TNRC6C: variants seen among roughly 807,000 people sequenced by gnomAD.
TNRC6C encodes the protein trinucleotide repeat containing adaptor 6C.
In TNRC6C, 20 loss-of-function variants were observed where a neutral mutation model predicts 153.7. That is an observed-to-expected ratio of 0.13 (90% CI 0.09 to 0.19). The LOEUF (loss-of-function observed/expected upper bound fraction) is 0.19, where lower values mean the gene tolerates loss of function less well. Among genes scored for constraint, TNRC6C ranks in the 10% least tolerant of loss-of-function variants. The probability of loss-of-function intolerance (pLI) is 1.00; values close to 1 mark genes in which losing one functional copy is unlikely to be tolerated. For synonymous variants in TNRC6C, 811 were observed against 841.4 expected, an observed-to-expected ratio of 0.96 and a Z score of 0.63; for missense variants, 1,987 against 2,172.0, an observed-to-expected ratio of 0.91 and a Z score of 1.69.
chr17:78,030,798 T>A (rs2072056385), intron 1 of TNRC6C, among the ~76,000 whole-genome samples: 2 of 152,130 alleles, frequency 1.3e-5, no homozygotes, highest in African/African-American at 4.8e-5. Context: ...TCCCAGTAAT[T>A]GTTAGAAATG....
intron 16 of TNRC6C, chr17:78,097,823 G>A: frequency 6.4e-7 from 1 of 1,550,572 alleles, no homozygotes; most frequent in Non-Finnish European, 8.7e-7. Context: ...GGCTACAGTA[G>A]CTCTTTCAGC....
chr17:78,065,804 A>T (rs1160303424), intron 4 of TNRC6C, among the ~76,000 whole-genome samples: 1 of 152,216 alleles, frequency 6.6e-6, no homozygotes, highest in Admixed American at 6.5e-5. Context: ...AAGTGTAGCA[A>T]ATATGCAGGT....
chr17:78,093,136 C>A lies in TNRC6C; in HGVS notation c.4162+12C>A, dbSNP rs752099640. 1.9e-6 allele frequency: 3 copies of A among 1,611,104 alleles called. No homozygotes were observed. The highest frequency in any genetic ancestry group is 2.5e-6 in the Non-Finnish European group (3 of 1,179,166). On this transcript the variant is annotated intron_variant, in intron 15 of 19. Coordinates refer to ENST00000301624, the Ensembl canonical transcript of TNRC6C. The stretch of plus-strand genomic sequence containing the variant: ...CAACTGGCCCCCAGGTAAGACCATG[C>A]AACACTTCTGTGCAACAGCAGCAGG...
At chr17:78,040,697 G>T (rs2072273730) in intron 2 of TNRC6C, among the ~76,000 whole-genome samples, 1 of 152,228 alleles carries the variant, frequency 6.6e-6, no homozygotes. Context: ...CAGAAGAAAA[G>T]TGGCTGTGAT....
At chr17:77,970,611 C>T (rs532116115) in intron 1 of TNRC6C, among the ~76,000 whole-genome samples, 35 of 152,128 alleles carry the variant, frequency 2.3e-4, no homozygotes, top group South Asian at 8.3e-4. Flanking sequence ...GCTTTGAATG[C>T]GGCCCAAAAC....
At chr17:78,070,934 G>A (rs1381445149) in intron 5 of TNRC6C, 151 bp from the exon 8 acceptor site, 3 of 731,476 alleles carry the variant, frequency 4.1e-6, no homozygotes, top group Non-Finnish European at 6.7e-6. Flanking sequence ...AATACTGTTA[G>A]GGAGTTTCTG....
chr17:78,090,718 G>C (rs2144547931), intron 13 of TNRC6C, among the ~76,000 whole-genome samples: 3 of 152,278 alleles, frequency 2.0e-5, no homozygotes, highest in African/African-American at 7.2e-5. Flanking sequence ...TAAGGAATGA[G>C]CCCAGAAGCC....
intron 1 of TNRC6C, among the ~76,000 whole-genome samples, chr17:77,986,338 G>A (rs1183587319): frequency 1.3e-5 from 2 of 151,566 alleles, no homozygotes; most frequent in Admixed American, 6.6e-5. Flanking sequence ...TCGTTTGAAC[G>A]CGGGAGACAG....
chr17:78,046,679 G>A (rs1223650595), intron 2 of TNRC6C, among the ~76,000 whole-genome samples: 1 of 152,126 alleles, frequency 6.6e-6, no homozygotes, highest in Non-Finnish European at 1.5e-5. Flanking sequence ...CATAGAGATG[G>A]TCTCCTTTGC....
intron 17 of TNRC6C, among the ~76,000 whole-genome samples, chr17:78,099,437 C>T (rs375075512): frequency 6.6e-6 from 1 of 152,150 alleles, no homozygotes. Context: ...CTGGGGAGGC[C>T]TCACAATCCT....
At chr17:78,069,416 T>G (rs112644354) in intron 5 of TNRC6C, among the ~76,000 whole-genome samples, 2 of 152,084 alleles carry the variant, frequency 1.3e-5, no homozygotes, top group African/African-American at 2.4e-5. Context: ...TTAAAAAAAT[T>G]TTTTTAGAGA....
At chr17:78,063,949 A>G (rs1289598392) in intron 3 of TNRC6C, among the ~76,000 whole-genome samples, 4 of 152,230 alleles carry the variant, frequency 2.6e-5, no homozygotes, top group Non-Finnish European at 5.9e-5. Flanking sequence ...AAACCCTACT[A>G]TGTTGCAAAT....
chr17:78,017,859 C>T (rs543926319), intron 1 of TNRC6C, among the ~76,000 whole-genome samples: 6 of 152,188 alleles, frequency 3.9e-5, no homozygotes, highest in African/African-American at 7.2e-5. Flanking sequence ...GTACGAGGTG[C>T]GCACACATAC....
At chr17:78,015,935 T>C (rs143422951) in intron 1 of TNRC6C, among the ~76,000 whole-genome samples, 156 of 152,204 alleles carry the variant, frequency 1.0e-3, no homozygotes, top group Middle Eastern at 6.8e-3. Flanking sequence ...TAAAACTCCT[T>C]GCTAAAAAAG....
intron 18 of TNRC6C, 21 bp from the exon 22 acceptor site, chr17:78,103,393 T>G (rs2073632750): frequency 6.2e-7 from 1 of 1,612,822 alleles, no homozygotes. Context: ...CTCATTCATG[T>G]CCCTGTGCTT....
At chr17:77,968,113 A>G (rs1306421393) in intron 1 of TNRC6C, among the ~76,000 whole-genome samples, 3 of 152,118 alleles carry the variant, frequency 2.0e-5, no homozygotes, top group Non-Finnish European at 4.4e-5. Flanking sequence ...AGCTACTGCA[A>G]CCTCTGCCTC....
Position 78,086,602 on chromosome 17 carries a change from A to T in TNRC6C, c.3561+16A>T. The T allele has an allele frequency of 6.2e-7, 1 of 1,612,236 alleles. No individual in the cohort carries two copies. The highest frequency in any genetic ancestry group is 8.5e-7 in the Non-Finnish European group (1 of 1,178,714). ...GGAGCAGCAAGTAGGTGCTACCCAG[A>T]TTGATTTTTGTCATGAGCTATAATT... On this transcript the variant is annotated intron_variant, in intron 12 of 19. Coordinates refer to ENST00000301624, the Ensembl canonical transcript of TNRC6C.
At chr17:77,958,663 C>A (rs1421335617), upstream of TNRC6C, among the ~76,000 whole-genome samples, 1 of 151,806 alleles carries the variant, frequency 6.6e-6, no homozygotes, top group African/African-American at 2.4e-5. Flanking sequence ...GGGGCGCGAG[C>A]GCCCCGTCTG....
chr17:77,996,148 T>TAA (rs2071325311), intron 1 of TNRC6C, among the ~76,000 whole-genome samples: 1 of 152,206 alleles, frequency 6.6e-6, no homozygotes, highest in African/African-American at 2.4e-5. Flanking sequence ...TTTATAGTGG[T>TAA]AAAAGTGTTT....
Sources: allele counts gnomAD v4.1 joint callset (sites outside exome capture counted in the v4.1 genomes callset), GRCh38; gene constraint gnomAD v4.1.1; transcripts MANE v1.5; gene names NCBI Gene and HGNC (gene_info 2026-07-23, HGNC 2026-07-21).